Variants in MARK1 observed in about 807,000 individuals in gnomAD.
The protein encoded by MARK1 is serine/threonine-protein kinase MARK1.
In MARK1, 40 loss-of-function variants were observed where a neutral mutation model predicts 96.3. The observed-to-expected ratio is 0.42, with a 90% CI of 0.32 to 0.54. MARK1 has a LOEUF of 0.54. MARK1 is among the 20% of genes least tolerant of loss of function. MARK1 has a pLI of 0.16. For synonymous variants in MARK1, 317 were observed against 341.2 expected, an observed-to-expected ratio of 0.93 and a Z score of 0.78; for missense variants, 719 against 984.6, an observed-to-expected ratio of 0.73 and a Z score of 3.61.
chr1:220,659,434 T>C (rs1028922779), intron 17 of MARK1, among the ~76,000 whole-genome samples: 1 of 152,214 alleles, frequency 6.6e-6, no homozygotes, highest in African/African-American at 2.4e-5. Flanking sequence ...CTTACCTTAC[T>C]GTGTGGCTTT....
intron 3 of MARK1, among the ~76,000 whole-genome samples, chr1:220,590,639 C>A (rs1222452908): frequency 6.6e-6 from 1 of 152,160 alleles, no homozygotes; most frequent in African/African-American, 2.4e-5. Context: ...GCTGACAATT[C>A]AAGTGTTTCT....
chr1:220,571,178 A>G (rs1312953743), intron 1 of MARK1, among the ~76,000 whole-genome samples: 1 of 152,200 alleles, frequency 6.6e-6, no homozygotes, highest in African/African-American at 2.4e-5. Context: ...AGAAGGATTT[A>G]AGTTGAGTAT....
chr1:220,534,743 T>C (rs971861707), intron 1 of MARK1, among the ~76,000 whole-genome samples: 4 of 152,176 alleles, frequency 2.6e-5, no homozygotes, highest in Non-Finnish European at 5.9e-5. Context: ...GTTTGACTAC[T>C]TTAGATACCT....
At chr1:220,552,240 C>G (rs144861430) in intron 1 of MARK1, among the ~76,000 whole-genome samples, 1 of 152,218 alleles carries the variant, frequency 6.6e-6, no homozygotes, top group African/African-American at 2.4e-5. Flanking sequence ...ACTAAGACTT[C>G]TAGACCAGCA....
intron 3 of MARK1, among the ~76,000 whole-genome samples, chr1:220,596,153 A>G (rs1001818425): frequency 6.6e-6 from 1 of 152,220 alleles, no homozygotes; most frequent in African/African-American, 2.4e-5. Flanking sequence ...ATGATAAATC[A>G]TTAGGAGAAA....
intron 7 of MARK1, among the ~76,000 whole-genome samples, chr1:220,617,347 A>G (rs955305170): frequency 3.9e-5 from 6 of 152,150 alleles, no homozygotes; most frequent in Admixed American, 3.3e-4. Flanking sequence ...GTGGGTAGGG[A>G]GGGAAGAGAT....
In MARK1 at chr1:220,579,539, C is replaced by T. The variant is rs753891447; in HGVS notation, c.237C>T (p.His79=). The change falls in exon 2 of 18, where the codon CAC becomes CAT. Residue 79 remains histidine (H), a synonymous_variant. Coordinates refer to ENST00000366917, the MANE Select transcript of MARK1 (RefSeq NM_018650.5). Reference sequence around the variant, plus strand: ...TTGCCAAAGTCAAATTGGCAAGACACGTTCTAACTGGTAGAGAGGTAAGTT... The same window carrying T: ...TTGCCAAAGTCAAATTGGCAAGACATGTTCTAACTGGTAGAGAGGTAAGTT... ...GNFAKVKLAR[H]VLTGREVAVK... The T allele has an allele frequency of 1.5e-4, 237 of 1,613,780 alleles. No homozygotes were observed. Among genetic ancestry groups the T allele is most frequent in the Non-Finnish European group, 1.9e-4 (220 of 1,179,878 alleles).
rs1668814915 is a variant in MARK1, at chr1:220,650,550, T to TA, written c.1471-67dup. ...CTGTGGATTTTTCTCAAAGTCAGCT[T>TA]AAATACATTTCTTTGGCTTTCCACA... On this transcript the variant is annotated intron_variant, in intron 13 of 17. Transcript: ENST00000366917. 3.0e-6 allele frequency: 3 copies of TA among 989,386 alleles called. 1 individual carries two copies. In the Admixed American group the frequency reaches 5.7e-5, roughly 19 times the overall value. The allele number at this position is 989,386 out of a possible 1,614,324, so 61.3% of individuals were successfully genotyped here. A position where few individuals can be genotyped will look rare whatever the true frequency, so the allele number is the denominator to read the frequency against.
At chr1:220,607,591 T>C (rs760659512) in intron 6 of MARK1, among the ~76,000 whole-genome samples, 2 of 152,156 alleles carry the variant, frequency 1.3e-5, no homozygotes, top group Non-Finnish European at 2.9e-5. Flanking sequence ...GACATCCCTG[T>C]CGTGTGCCGG....
intron 1 of MARK1, among the ~76,000 whole-genome samples, chr1:220,537,693 A>C (rs2102701272): frequency 6.8e-6 from 1 of 147,354 alleles, no homozygotes; most frequent in South Asian, 2.3e-4. Flanking sequence ...ACTAGTTTAC[A>C]GTCCCACCAA....
intron 1 of MARK1, among the ~76,000 whole-genome samples, chr1:220,530,262 A>G (rs370649867): frequency 2.6e-5 from 4 of 152,346 alleles, no homozygotes; most frequent in African/African-American, 9.6e-5. Context: ...TGCTGCTATC[A>G]TAAATTAGAA....
chr1:220,638,754 T>C (rs1431688301), intron 13 of MARK1, among the ~76,000 whole-genome samples: 1 of 152,194 alleles, frequency 6.6e-6, no homozygotes, highest in African/African-American at 2.4e-5. Flanking sequence ...TACTATAATA[T>C]ATTGTTATTT....
chr1:220,537,205 A>G (rs1173161680), intron 1 of MARK1, among the ~76,000 whole-genome samples: 3 of 147,138 alleles, frequency 2.0e-5, no homozygotes, highest in Non-Finnish European at 4.5e-5. Context: ...TTCATTTAGC[A>G]TTAGGTATAT....
chr1:220,616,875 T>C (rs77599737), intron 7 of MARK1, among the ~76,000 whole-genome samples: 10,088 of 152,242 alleles, frequency 0.066, 398 homozygotes, highest in Middle Eastern at 0.15. Context: ...TATCATCTCA[T>C]TTCTTATATG....
chr1:220,622,858 C>T lies in MARK1; in HGVS notation c.909+4103C>T, dbSNP rs73105466. Among the ~76,000 whole-genome samples, 573 of 152,062 alleles carry T rather than the reference C, an allele frequency of 3.8e-3. 6 individuals are homozygous for T. Among genetic ancestry groups the T allele is most frequent in the African/African-American group, 0.013 (538 of 41,460 alleles). On this transcript the variant is annotated intron_variant, in intron 9 of 17. Coordinates refer to ENST00000366917, the MANE Select transcript of MARK1 (RefSeq NM_018650.5). ...CATGATTGCGCCACTGGACTGCAGC[C>T]GGGATGACAGAACAAGACCCTGTCT...
chr1:220,533,933 A>G (rs1467215570), intron 1 of MARK1, among the ~76,000 whole-genome samples: 2 of 152,148 alleles, frequency 1.3e-5, no homozygotes, highest in Non-Finnish European at 2.9e-5. Flanking sequence ...AATCTGTAGT[A>G]TAACCTATAC....
At chr1:220,651,958 G>T (rs1434762243) in intron 14 of MARK1, 28 bp from the exon 15 acceptor site, 4 of 1,462,422 alleles carry the variant, frequency 2.7e-6, no homozygotes, top group African/African-American at 1.4e-5. Flanking sequence ...TTTTTTCCAT[G>T]GTCTTCTCAA....
chr1:220,559,897 C>CCCCCTT (rs11273975), intron 1 of MARK1, among the ~76,000 whole-genome samples: 142,839 of 152,142 alleles, frequency 0.94, 67,768 homozygotes, highest in East Asian at 1. Flanking sequence ...TACAGTAGAA[C>CCCCCTT]ATACTTGGGG....
chr1:220,627,446 T>G (rs1279312529), intron 9 of MARK1: 1 of 468,648 alleles, frequency 2.1e-6, no homozygotes, highest in Non-Finnish European at 4.4e-6. Context: ...CAGGTTGGCC[T>G]GAGCAGACCT....
Sources: allele counts gnomAD v4.1 joint callset (sites outside exome capture counted in the v4.1 genomes callset), GRCh38; gene constraint gnomAD v4.1.1; transcripts MANE v1.5; gene names NCBI Gene and HGNC (gene_info 2026-07-23, HGNC 2026-07-21).